IGF2R: variants seen among roughly 807,000 people sequenced by gnomAD.
The protein encoded by IGF2R is insulin like growth factor 2 receptor.
In IGF2R, 91 loss-of-function variants were observed where a neutral mutation model predicts 270.6. The ratio of observed to expected loss-of-function variants is 0.34; its 90% CI spans 0.28 to 0.40. IGF2R has a LOEUF of 0.40. Among genes scored for constraint, IGF2R ranks in the 10% least tolerant of loss-of-function variants. IGF2R has a pLI of 1.00. For missense variants in IGF2R, 2,805 were observed against 3,188.3 expected, an observed-to-expected ratio of 0.88 and a Z score of 2.90; for synonymous variants, 1,316 against 1,258.9, an observed-to-expected ratio of 1.05 and a Z score of -0.96.
At chr6:160,063,766 G>A in intron 27 of IGF2R, 136 bp downstream of exon 27, 1 of 668,616 alleles carries the variant, frequency 1.5e-6, no homozygotes, top group Non-Finnish European at 2.5e-6. Flanking sequence ...GCATATTAAT[G>A]ATATTTCGGA....
At chr6:160,018,270 G>T (rs537251621) in intron 4 of IGF2R, among the ~76,000 whole-genome samples, 1 of 152,036 alleles carries the variant, frequency 6.6e-6, no homozygotes, top group South Asian at 2.1e-4. Flanking sequence ...GGAAAAAGAT[G>T]GTCATTATAT....
intron 19 of IGF2R, among the ~76,000 whole-genome samples, chr6:160,053,608 T>C (rs937055022): frequency 1.3e-5 from 2 of 152,104 alleles, no homozygotes; most frequent in South Asian, 2.1e-4. Context: ...TGTTTTTTAA[T>C]TGGGGTAAAA....
At chr6:159,969,630 C>G (rs1432862145) in intron 1 of IGF2R, among the ~76,000 whole-genome samples, 1 of 152,152 alleles carries the variant, frequency 6.6e-6, no homozygotes, top group African/African-American at 2.4e-5. Context: ...CCTGGAGCCC[C>G]GCGTCCGGCC....
intron 10 of IGF2R, among the ~76,000 whole-genome samples, chr6:160,035,469 G>A (rs1777798538): frequency 2.6e-5 from 4 of 152,150 alleles, no homozygotes; most frequent in Non-Finnish European, 5.9e-5. Flanking sequence ...TGGTAGCACC[G>A]CACCCCTGCG....
At chr6:160,001,900 G>C (rs1476238219) in intron 2 of IGF2R, among the ~76,000 whole-genome samples, 2 of 152,120 alleles carry the variant, frequency 1.3e-5, no homozygotes, top group Non-Finnish European at 2.9e-5. Flanking sequence ...AACAACGCTA[G>C]AGTTAGGGGC....
intron 1 of IGF2R, among the ~76,000 whole-genome samples, chr6:159,982,758 A>G (rs1055471093): frequency 1.3e-5 from 2 of 152,248 alleles, no homozygotes; most frequent in African/African-American, 4.8e-5. Flanking sequence ...ATATATGGCA[A>G]TAAATGAGGA....
At position 160,024,619 on chromosome 6, in the gene IGF2R, T is replaced by C; in HGVS notation, c.561T>C (p.Asn187=). The part of the protein sequence containing the change: ...FDEELRKHDL[N]PLIKLSGAYL... ...AAGAGTTGAGGAAGCATGATCTCAA[T>C]CCTCTGATCAAGCTTAGTGGTGCCT... The change falls in exon 5 of 48, where the codon AAT becomes AAC. Residue 187 remains asparagine, a synonymous_variant. Transcript: ENST00000356956. 3.1e-6 allele frequency: 5 copies of C among 1,613,848 alleles called. No homozygotes were observed. Among genetic ancestry groups the C allele is most frequent in the Non-Finnish European group, 4.2e-6 (5 of 1,179,766 alleles).
At chr6:160,023,533 A>G (rs1156763060) in intron 4 of IGF2R, among the ~76,000 whole-genome samples, 1 of 152,214 alleles carries the variant, frequency 6.6e-6, no homozygotes, top group Non-Finnish European at 1.5e-5. Flanking sequence ...AGCTTCACAT[A>G]CATTAGTTCA....
At chr6:160,010,521 A>G in intron 3 of IGF2R, 166 bp from the exon 4 acceptor site, 1 of 524,168 alleles carries the variant, frequency 1.9e-6, no homozygotes, top group Non-Finnish European at 3.4e-6. Flanking sequence ...GAATTTGCAG[A>G]TTTGGGAACC....
In IGF2R at chr6:160,102,618, G is replaced by C. The variant is rs779494869; in HGVS notation, c.6942G>C (p.Leu2314=). The change falls in exon 46 of 48, where the codon CTG becomes CTC. Residue 2314 remains leucine, a synonymous_variant. Coordinates refer to ENST00000356956, the MANE Select transcript of IGF2R (RefSeq NM_000876.4). This position sits in a 1 kb window ranked among gnomAD's most constrained non-coding sequence, Gnocchi z 4.5. ...TCGGCGCGGTGCTCAGCCTGCTGCT[G>C]GTGGCGCTCACCTGCTGCCTGCTGG... ...QAVGAVLSLL[L]VALTCCLLAL... is the part of the protein sequence containing the mutation. 2.5e-6 allele frequency: 4 copies of C among 1,613,292 alleles called. No homozygotes were observed. The African/African-American group carries it at 5.3e-5, about 22-fold the overall frequency.
chr6:160,060,768 G>T, intron 23 of IGF2R, 51 bp downstream of exon 23: 2 of 1,567,988 alleles, frequency 1.3e-6, no homozygotes, highest in Non-Finnish European at 1.8e-6. Context: ...GTCAGTGTGT[G>T]TGTGAGTGGA....
intron 23 of IGF2R, 29 bp from the exon 24 acceptor site, chr6:160,061,474 C>A: frequency 6.2e-7 from 1 of 1,611,166 alleles, no homozygotes; most frequent in Non-Finnish European, 8.5e-7. Context: ...AGGCAGAGTT[C>A]TCCAGCGTGG....
intron 12 of IGF2R, among the ~76,000 whole-genome samples, chr6:160,044,299 A>G (rs556857942): frequency 6.6e-6 from 1 of 152,326 alleles, no homozygotes; most frequent in East Asian, 1.9e-4. Context: ...GAGGACCCCA[A>G]TGTGGCTGTT....
intron 44 of IGF2R, chr6:160,094,600 A>G (rs1411535840): frequency 6.5e-6 from 1 of 153,294 alleles, no homozygotes; most frequent in East Asian, 1.9e-4. Context: ...TACCTTCATT[A>G]TTAAAAGGCC....
chr6:160,000,620 A>G (rs931251647), intron 2 of IGF2R, among the ~76,000 whole-genome samples: 3 of 152,088 alleles, frequency 2.0e-5, no homozygotes, highest in African/African-American at 4.8e-5. Flanking sequence ...TGGTTGAATC[A>G]TAGAGTGCTG....
chr6:160,068,068 GTGTGT>G lies in IGF2R; in HGVS notation c.4116-180_4116-176del, dbSNP rs1562365516. On this transcript the variant is annotated intron_variant, in intron 29 of 47. Transcript: ENST00000356956. Reference sequence around the variant, plus strand: ...GTTGTTGCTGATTCTGATGGGGGGTGTGTGTGTGTGTGTGTGTGTGTGTGTGTGTG... The same window carrying G: ...GTTGTTGCTGATTCTGATGGGGGGTGGTGTGTGTGTGTGTGTGTGTGTGTG... Among the ~76,000 whole-genome samples the G allele has an allele frequency of 3.0e-4, 12 of 39,978 alleles. No homozygotes were observed. In the East Asian group the frequency reaches 7.5e-3, roughly 25 times the overall value. 26.2% of individuals were successfully genotyped at this position (39,978 alleles called of 152,430 possible). A position where few individuals can be genotyped will look rare whatever the true frequency, so the allele number is the denominator to read the frequency against.
intron 19 of IGF2R, among the ~76,000 whole-genome samples, chr6:160,055,080 G>A (rs573150240): frequency 1.1e-4 from 17 of 152,212 alleles, no homozygotes; most frequent in Middle Eastern, 3.4e-3. Flanking sequence ...CTCTCTGCGG[G>A]AGGTGTTCTA....
rs549177663 is a variant in IGF2R at position 160,004,163 on chromosome 6, G to C, written c.290-4847G>C. On this transcript the variant is annotated intron_variant, in intron 2 of 47. Transcript: ENST00000356956. This position sits in a 1 kb window ranked among gnomAD's most constrained non-coding sequence, Gnocchi z 5.2. Reference sequence around the variant, plus strand: ...CGCTAAGTGGGTGGTGCAGGGGAGAGAGGAAGACTTGCTTGAGCACATCGG... The same window carrying C: ...CGCTAAGTGGGTGGTGCAGGGGAGACAGGAAGACTTGCTTGAGCACATCGG... 3 of 152,388 alleles carry C rather than the reference G, an allele frequency of 2.0e-5. No individual in the cohort carries two copies. The highest frequency in any genetic ancestry group is 4.1e-4 in the South Asian group (2 of 4,826). 9.4% of individuals were successfully genotyped at this position (152,388 alleles called of 1,614,324 possible). A position where few individuals can be genotyped will look rare whatever the true frequency, so the allele number is the denominator to read the frequency against.
chr6:160,054,053 A>G (rs556255015), intron 19 of IGF2R, among the ~76,000 whole-genome samples: 28 of 152,218 alleles, frequency 1.8e-4, no homozygotes, highest in Admixed American at 1.7e-3. Context: ...TCTAATTTGG[A>G]AAGGAGAGCT....
Sources: gnomAD v4.1 joint callset for allele counts (sites outside exome capture counted in the v4.1 genomes callset) on GRCh38, gnomAD v4.1.1 for gene constraint, Gnocchi (gnomAD v3.1) non-coding constraint, MANE v1.5 for transcripts, NCBI Gene and HGNC (gene_info 2026-07-23, HGNC 2026-07-21) for gene names.